The following ZHX3 variants were observed in gnomAD, a reference collection of about 807,000 sequenced individuals.
ZHX3 encodes the protein zinc fingers and homeoboxes protein 3.
ZHX3 carries 20 observed loss-of-function variants against 64.5 expected under a neutral mutation model. The ratio of observed to expected loss-of-function variants is 0.31; its 90% CI spans 0.22 to 0.45. The LOEUF is 0.45. ZHX3 is among the 20% of genes least tolerant of loss of function. The pLI, the probability that ZHX3 is intolerant of heterozygous loss-of-function variation, is 1.00. For synonymous variants in ZHX3, 423 were observed against 461.6 expected (o/e 0.92, Z 1.07); for missense variants, 1,041 against 1,195.8 (o/e 0.87, Z 1.91).
intron 2 of ZHX3, among the ~76,000 whole-genome samples, chr20:41,231,869 A>G (rs1309993548): frequency 6.6e-6 from 1 of 152,248 alleles, no homozygotes; most frequent in Non-Finnish European, 1.5e-5. Flanking sequence ...CAGTCAAAGC[A>G]ACACATTAAT....
At chr20:41,305,783 CA>C (rs1164540020) in intron 1 of ZHX3, among the ~76,000 whole-genome samples, 2 of 150,874 alleles carry the variant, frequency 1.3e-5, no homozygotes, top group Admixed American at 6.6e-5. Flanking sequence ...GACTCTGTCT[CA>C]AAAAAAATAT....
At chr20:41,247,510 T>C (rs991252621) in intron 2 of ZHX3, among the ~76,000 whole-genome samples, 7 of 152,096 alleles carry the variant, frequency 4.6e-5, no homozygotes, top group African/African-American at 1.4e-4. Context: ...TTAAACAAGA[T>C]AGTCTGTGTG....
intron 1 of ZHX3, among the ~76,000 whole-genome samples, chr20:41,295,239 AT>A (rs955478039): frequency 1.3e-5 from 2 of 152,238 alleles, no homozygotes; most frequent in Non-Finnish European, 2.9e-5. Flanking sequence ...ATAAAGAAAA[AT>A]AATACATAAA....
chr20:41,282,791 T>C (rs1056887188), intron 1 of ZHX3, among the ~76,000 whole-genome samples: 1 of 152,386 alleles, frequency 6.6e-6, no homozygotes, highest in Admixed American at 6.5e-5. Flanking sequence ...TGACATCTCA[T>C]GTCTGTTTCT....
chr20:41,198,870 T>C (rs1482294618), intron 3 of ZHX3, among the ~76,000 whole-genome samples: 1 of 152,144 alleles, frequency 6.6e-6, no homozygotes, highest in East Asian at 1.9e-4. Context: ...TATGAGTACA[T>C]TAGTATGCTT....
At chr20:41,303,247 A>T (rs748540156) in intron 1 of ZHX3, among the ~76,000 whole-genome samples, 3 of 152,242 alleles carry the variant, frequency 2.0e-5, no homozygotes, top group African/African-American at 4.8e-5. Context: ...TCAAAGCCAC[A>T]TTCTAGTGCC....
rs904872260 is a variant in ZHX3 at position 41,226,563 on chromosome 20, G to T, written c.-150-21497C>A. On this transcript the variant is annotated intron_variant, in intron 2 of 3. Coordinates refer to ENST00000683867, the MANE Select transcript of ZHX3 (RefSeq NM_001384317.1). The surrounding 1 kb of genome is among the most constrained non-coding windows in gnomAD (Gnocchi z 4.4). ...TTCTTTTGGGTATACACTTTTTCTT[G>T]TTTAAGCTCTCCACAATCCTATGAT... Among the ~76,000 whole-genome samples, 1 of 151,906 alleles carries T rather than the reference G, an allele frequency of 6.6e-6. No individual in the cohort carries two copies. The highest frequency in any genetic ancestry group is 1.5e-5 in the Non-Finnish European group (1 of 67,984).
At chr20:41,196,405 T>TAA (rs1282937602) in intron 3 of ZHX3, among the ~76,000 whole-genome samples, 5 of 72,822 alleles carry the variant, frequency 6.9e-5, no homozygotes, top group East Asian at 8.2e-4. Context: ...ATATATATTA[T>TAA]ATATTATATA....
At chr20:41,248,648 A>T (rs2146493681) in intron 2 of ZHX3, among the ~76,000 whole-genome samples, 1 of 152,320 alleles carries the variant, frequency 6.6e-6, no homozygotes, top group South Asian at 2.1e-4. Context: ...CCTAAAGCCC[A>T]TGGTGCTCAA....
At position 41,289,153 on chromosome 20, in the gene ZHX3, G is replaced by A. The variant is rs536335076; in HGVS notation, c.-244-20070C>T. Among the ~76,000 whole-genome samples, 23 of 151,834 alleles carry A rather than the reference G, an allele frequency of 1.5e-4. No homozygotes were observed. The East Asian group carries it at 2.7e-3, about 18-fold the overall frequency. On this transcript the variant is annotated intron_variant, in intron 1 of 3. Transcript: ENST00000683867. ...ACTATAGGCATTCATGTCATGTCCA[G>A]TTAATTTTTTTTTATTTTTTTGTAG...
chr20:41,300,222 T>C (rs1284627153), intron 1 of ZHX3: 1 of 151,948 alleles, frequency 6.6e-6, no homozygotes, highest in Non-Finnish European at 1.5e-5. Context: ...AGGGTAGGAG[T>C]GGAGATCCAA....
At chr20:41,248,141 T>C (rs2041806063) in intron 2 of ZHX3, among the ~76,000 whole-genome samples, 1 of 152,248 alleles carries the variant, frequency 6.6e-6, no homozygotes, top group Non-Finnish European at 1.5e-5. Flanking sequence ...CAGCTTTACA[T>C]ATACTCCTCT....
At chr20:41,230,881 A>T (rs2040564046) in intron 2 of ZHX3, among the ~76,000 whole-genome samples, 1 of 152,206 alleles carries the variant, frequency 6.6e-6, no homozygotes, top group Admixed American at 6.5e-5. Context: ...TTATCACCCA[A>T]AGTCCACAGT....
intron 2 of ZHX3, among the ~76,000 whole-genome samples, chr20:41,218,936 T>G (rs1008712684): frequency 8.9e-5 from 13 of 146,510 alleles, no homozygotes; most frequent in South Asian, 4.5e-4. Flanking sequence ...TTTTTTTTTT[T>G]TTTTTTTTTT....
chr20:41,305,247 C>T (rs919041130), intron 1 of ZHX3, among the ~76,000 whole-genome samples: 4 of 152,202 alleles, frequency 2.6e-5, no homozygotes, highest in South Asian at 2.1e-4. Context: ...TGGCTGGGAG[C>T]GGTGGTTCAT....
chr20:41,247,930 C>A (rs1338450660), intron 2 of ZHX3, among the ~76,000 whole-genome samples: 1 of 152,192 alleles, frequency 6.6e-6, no homozygotes, highest in Non-Finnish European at 1.5e-5. Context: ...TAGGCCATTC[C>A]CCTGCTTCAA....
In ZHX3 at chr20:41,295,592, C is replaced by T. The variant is rs534158573; in HGVS notation, c.-245+21917G>A. Among the ~76,000 whole-genome samples the T allele has an allele frequency of 8.5e-5, 13 of 152,276 alleles. No individual in the cohort carries two copies. The East Asian group carries it at 1.7e-3, about 20-fold the overall frequency. The stretch of plus-strand genomic sequence containing the variant: ...ATAAATTTATCAGGAGCCAGCCAGG[C>T]GCGGTGGCTCACGCCTGTAATCCCA... On this transcript the variant is annotated intron_variant, in intron 1 of 3. Coordinates refer to ENST00000683867, the MANE Select transcript of ZHX3 (RefSeq NM_001384317.1).
Position 41,195,152 on chromosome 20 carries a change from G to A in ZHX3, c.2860+6905C>T, listed in dbSNP as rs770562616. Reference sequence around the variant, plus strand: ...GTTTTTTTAAGACATGGGGTCTTACGCTGTCACCCAGGCTGGAATGCAGTG... The same window carrying A: ...GTTTTTTTAAGACATGGGGTCTTACACTGTCACCCAGGCTGGAATGCAGTG... On this transcript the variant is annotated intron_variant, in intron 3 of 3. Transcript: ENST00000683867. This position sits in a 1 kb window ranked among gnomAD's most constrained non-coding sequence, Gnocchi z 4.2. Among the ~76,000 whole-genome samples the A allele has an allele frequency of 9.9e-5, 15 of 151,982 alleles. No homozygotes were observed. The highest frequency in any genetic ancestry group is 1.9e-4 in the Non-Finnish European group (13 of 68,004).
At chr20:41,305,223 A>C (rs1038355356) in intron 1 of ZHX3, among the ~76,000 whole-genome samples, 5 of 152,250 alleles carry the variant, frequency 3.3e-5, no homozygotes, top group East Asian at 1.9e-4. Context: ...GGGAACATTA[A>C]AACAACAGAA....
Sources: allele counts gnomAD v4.1 joint callset (sites outside exome capture counted in the v4.1 genomes callset), GRCh38; gene constraint gnomAD v4.1.1; non-coding constraint Gnocchi (gnomAD v3.1); transcripts MANE v1.5; gene names NCBI Gene and HGNC (gene_info 2026-07-23, HGNC 2026-07-21).